The following KANSL1L variants were observed in gnomAD, a reference collection of about 807,000 sequenced individuals.
The protein encoded by KANSL1L is KAT8 regulatory NSL complex subunit 1 like, also known as KAT8 regulatory NSL complex subunit 1-like protein.
KANSL1L carries 25 observed loss-of-function variants against 108.6 expected under a neutral mutation model. That is an observed-to-expected ratio of 0.23 (90% confidence interval 0.17 to 0.32). The LOEUF (loss-of-function observed/expected upper bound fraction) is 0.32. Ranked by LOEUF, KANSL1L falls within the 10% of genes least tolerant of loss-of-function variation. KANSL1L has a pLI of 1.00. For missense variants in KANSL1L, 1,137 were observed against 1,125.7 expected, an observed-to-expected ratio of 1.01 and a Z score of -0.14; for synonymous variants, 405 against 395.1, an observed-to-expected ratio of 1.03 and a Z score of -0.30.
At chr2:210,062,974 G>C (rs2094434430) in intron 6 of KANSL1L, among the ~76,000 whole-genome samples, 1 of 152,192 alleles carries the variant, frequency 6.6e-6, no homozygotes, top group Non-Finnish European at 1.5e-5. Context: ...TCCACTGCAT[G>C]TCAGAGGTCT....
chr2:210,080,943 C>T lies in KANSL1L; in HGVS notation c.1551-5187G>A, dbSNP rs6719266. On this transcript the variant is annotated intron_variant, in intron 5 of 14. Transcript: ENST00000281772. ...CCAACATGGTGAAACCCTGTCTGTA[C>T]CAAAAATACAAAAATCAGCCAGGCG... Among the ~76,000 whole-genome samples the T allele has an allele frequency of 6.9e-3, 1,053 of 151,812 alleles. 9 individuals carry two copies. Among genetic ancestry groups the T allele is most frequent in the African/African-American group, 0.024 (1,009 of 41,406 alleles).
chr2:210,070,551 C>T (rs1277947267), intron 6 of KANSL1L, among the ~76,000 whole-genome samples: 1 of 152,008 alleles, frequency 6.6e-6, no homozygotes, highest in African/African-American at 2.4e-5. Flanking sequence ...CTTATAAGGA[C>T]GCCAATCACT....
chr2:210,083,898 T>C (rs2094612367), intron 5 of KANSL1L, among the ~76,000 whole-genome samples: 1 of 151,740 alleles, frequency 6.6e-6, no homozygotes, highest in African/African-American at 2.4e-5. Flanking sequence ...GAGGATTATT[T>C]ATCCTCCAAT....
chr2:210,033,317 G>T (rs546837409), intron 8 of KANSL1L, among the ~76,000 whole-genome samples: 1 of 152,152 alleles, frequency 6.6e-6, no homozygotes, highest in Non-Finnish European at 1.5e-5. Context: ...TAATCTAAAC[G>T]TACTAAAATG....
At chr2:210,111,701 C>CT (rs574842208) in intron 3 of KANSL1L, among the ~76,000 whole-genome samples, 5 of 151,002 alleles carry the variant, frequency 3.3e-5, no homozygotes, top group Admixed American at 1.3e-4. Flanking sequence ...ACAAGAACAT[C>CT]TTTTTTTTTC....
At chr2:210,104,325 T>C (rs780011036) in intron 3 of KANSL1L, 24 bp from the exon 4 acceptor site, 15 of 1,583,236 alleles carry the variant, frequency 9.5e-6, no homozygotes, top group Non-Finnish European at 1.2e-5. Context: ...AATGAGAAAG[T>C]TGAAATGAAA....
Position 210,044,164 on chromosome 2 carries a change from T to G in KANSL1L, c.1756-60A>C. 5.3e-5 allele frequency: 58 copies of G among 1,104,422 alleles called. No homozygotes were observed. Among genetic ancestry groups the G allele is most frequent in the Non-Finnish European group, 6.5e-5 (53 of 812,898 alleles). 68.4% of individuals were successfully genotyped at this position (1,104,422 alleles called of 1,614,324 possible). ...AAAGCATCCATAAATGGCATATCTC[T>G]ACATTTATTTAGGTTATCTTTAAAT... On this transcript the variant is annotated intron_variant, in intron 6 of 14. Transcript: ENST00000281772. This position sits in a 1 kb window ranked among gnomAD's most constrained non-coding sequence, Gnocchi z 4.2.
chr2:210,163,053 TA>T (rs2095370064), intron 1 of KANSL1L, among the ~76,000 whole-genome samples: 2 of 152,144 alleles, frequency 1.3e-5, no homozygotes, highest in Non-Finnish European at 2.9e-5. Context: ...TACATCTTAT[TA>T]AAAGCCTATT....
At chr2:210,035,348 T>G (rs1194314543) in intron 8 of KANSL1L, 1 of 152,212 alleles carries the variant, frequency 6.6e-6, no homozygotes, top group Non-Finnish European at 1.5e-5. Context: ...CTCTGCTTGT[T>G]GCCTGAAATC....
intron 3 of KANSL1L, among the ~76,000 whole-genome samples, chr2:210,111,019 G>A (rs1267353515): frequency 6.6e-6 from 1 of 152,088 alleles, no homozygotes; most frequent in Admixed American, 6.5e-5. Context: ...AGCTGAGGCG[G>A]GAGGATCGCT....
At position 210,153,486 on chromosome 2, in the gene KANSL1L, T is replaced by C; in HGVS notation, c.1088+9A>G. The C allele has an allele frequency of 1.2e-6, 2 of 1,611,114 alleles. No individual in the cohort carries two copies. Among genetic ancestry groups the C allele is most frequent in the Non-Finnish European group, 1.7e-6 (2 of 1,177,644 alleles). ...ACAGAAAATAGTCTAATAATAATTT[T>C]GCACTTACACTGCCACATTTTTTCT... is the stretch of plus-strand genomic sequence containing the variant. On this transcript the variant is annotated intron_variant, in intron 2 of 14. Coordinates refer to ENST00000281772, the MANE Select transcript of KANSL1L (RefSeq NM_152519.4).
At chr2:210,110,621 G>A (rs1373294339) in intron 3 of KANSL1L, among the ~76,000 whole-genome samples, 1 of 152,126 alleles carries the variant, frequency 6.6e-6, no homozygotes, top group Non-Finnish European at 1.5e-5. Context: ...TTGTGGTACA[G>A]AGAGACAAAT....
intron 2 of KANSL1L, among the ~76,000 whole-genome samples, chr2:210,130,118 G>T (rs1341012542): frequency 6.6e-6 from 1 of 151,938 alleles, no homozygotes; most frequent in Non-Finnish European, 1.5e-5. Context: ...GCTGACTGTA[G>T]AACGCCAAGA....
chr2:210,152,464 T>G (rs1266001472), intron 2 of KANSL1L: 1 of 152,244 alleles, frequency 6.6e-6, no homozygotes, highest in African/African-American at 2.4e-5. Context: ...AGAGTTGGTC[T>G]GTAGTGTTAT....
rs900706627 is a variant in KANSL1L, at chr2:210,054,683, G to A, written c.1756-10579C>T. Among the ~76,000 whole-genome samples, 4 of 151,736 alleles carry A rather than the reference G, an allele frequency of 2.6e-5. No individual in the cohort carries two copies. The East Asian group carries it at 7.8e-4, about 30-fold the overall frequency. On this transcript the variant is annotated intron_variant, in intron 6 of 14. Transcript: ENST00000281772. ...TAAAAGCTCTCCAAGATCTGGTACTGATATTCAACATTGCACTAGAAGTTC... is the reference window on the plus strand; with the variant it reads ...TAAAAGCTCTCCAAGATCTGGTACTAATATTCAACATTGCACTAGAAGTTC...
intron 6 of KANSL1L, among the ~76,000 whole-genome samples, chr2:210,048,267 G>T (rs963270640): frequency 2.0e-5 from 3 of 152,114 alleles, no homozygotes; most frequent in Non-Finnish European, 4.4e-5. Context: ...GGTAATAGTG[G>T]TTGCAGAAGC....
At chr2:210,168,904 T>A (rs560477741) in intron 1 of KANSL1L, among the ~76,000 whole-genome samples, 1 of 152,142 alleles carries the variant, frequency 6.6e-6, no homozygotes, top group Non-Finnish European at 1.5e-5. Flanking sequence ...CACTAAGTGA[T>A]CTGCAGCATG....
At chr2:210,145,737 A>G (rs2095260847) in intron 2 of KANSL1L, among the ~76,000 whole-genome samples, 1 of 152,196 alleles carries the variant, frequency 6.6e-6, no homozygotes, top group Non-Finnish European at 1.5e-5. Context: ...AAAGAGTAGC[A>G]ATGCAGCCAA....
intron 2 of KANSL1L, among the ~76,000 whole-genome samples, chr2:210,146,350 C>T (rs1397081982): frequency 6.6e-6 from 1 of 152,152 alleles, no homozygotes; most frequent in Non-Finnish European, 1.5e-5. Context: ...GGAGTGAAGA[C>T]TGGTATCTCC....
Sources: gnomAD v4.1 joint callset for allele counts (sites outside exome capture counted in the v4.1 genomes callset) on GRCh38, gnomAD v4.1.1 for gene constraint, Gnocchi (gnomAD v3.1) non-coding constraint, MANE v1.5 for transcripts, NCBI Gene and HGNC (gene_info 2026-07-23, HGNC 2026-07-21) for gene names.